The following MTOR variants were observed in gnomAD, a reference collection of about 807,000 sequenced individuals.
The protein encoded by MTOR is mechanistic target of rapamycin kinase, also known as serine/threonine-protein kinase mTOR.
Under a neutral mutation model 319.8 loss-of-function variants are expected in MTOR, and 70 were observed. The observed-to-expected ratio is 0.22, with a 90% CI of 0.18 to 0.27. The LOEUF (loss-of-function observed/expected upper bound fraction) is 0.27, where lower values mean the gene tolerates loss of function less well. Ranked by LOEUF, MTOR falls within the 10% of genes least tolerant of loss-of-function variation. The pLI is 1.00. For missense variants in MTOR, 1,890 were observed against 3,274.4 expected (o/e 0.58, Z 10.32); for synonymous variants, 1,183 against 1,211.4 (o/e 0.98, Z 0.49).
chr1:11,199,474 A>C lies in MTOR; in HGVS notation c.4107+67T>G. 14 of 1,613,650 alleles carry C rather than the reference A, an allele frequency of 8.7e-6. No individual in the cohort carries two copies. The highest frequency in any genetic ancestry group is 1.1e-5 in the Non-Finnish European group (13 of 1,179,590). ...GCACAAACAAGAGAAGGCTGTGTGG[A>C]TGCTTCTCTCCTCCCACCAGCTGGT... On this transcript the variant is annotated intron_variant, in intron 27 of 57. Coordinates refer to ENST00000361445, the MANE Select transcript of MTOR (RefSeq NM_004958.4). This position sits in a 1 kb window ranked among gnomAD's most constrained non-coding sequence, Gnocchi z 4.5.
chr1:11,129,649 C>T lies in MTOR; in HGVS notation c.5714+89G>A. On this transcript the variant is annotated intron_variant, in intron 40 of 57. Transcript: ENST00000361445. The surrounding 1 kb of genome is among the most constrained non-coding windows in gnomAD (Gnocchi z 4.7). ...CGATCTTGGGTGTCCTGATCAGGGT[C>T]AGGAAGGGAAAGAGGACTTTTACGT... The T allele has an allele frequency of 8.5e-7, 1 of 1,172,448 alleles. No individual in the cohort carries two copies. The highest frequency in any genetic ancestry group is 1.2e-6 in the Non-Finnish European group (1 of 801,468). The allele number at this position is 1,172,448 out of a possible 1,614,324, so 72.6% of individuals were successfully genotyped here.
intron 20 of MTOR, among the ~76,000 whole-genome samples, chr1:11,215,289 T>A (rs1044185977): frequency 6.6e-6 from 1 of 152,190 alleles, no homozygotes; most frequent in Non-Finnish European, 1.5e-5. Context: ...TCTGCCTAAA[T>A]CCTCCTTGTA....
rs1261530605 is a variant in MTOR at position 11,127,596 on chromosome 1, A to C, written c.6216+28T>G. 6.3e-7 allele frequency: 1 copy of C among 1,581,016 alleles called. No individual in the cohort carries two copies. The highest frequency in any genetic ancestry group is 8.6e-7 in the Non-Finnish European group (1 of 1,166,026). Reference sequence around the variant, plus strand: ...AGTGGCAGAATATTTCTACAGGGTTATGTCCTTTCGTGTTTTTTACCCCAT... The same window carrying C: ...AGTGGCAGAATATTTCTACAGGGTTCTGTCCTTTCGTGTTTTTTACCCCAT... On this transcript the variant is annotated intron_variant, in intron 44 of 57. Coordinates refer to ENST00000361445, the MANE Select transcript of MTOR (RefSeq NM_004958.4). The surrounding 1 kb of genome is among the most constrained non-coding windows in gnomAD (Gnocchi z 5.5).
chr1:11,249,387 T>C (rs1649287587), intron 6 of MTOR, among the ~76,000 whole-genome samples: 1 of 152,000 alleles, frequency 6.6e-6, no homozygotes, highest in Admixed American at 6.6e-5. Flanking sequence ...CTTTTTTTTT[T>C]TGAAACTAAA....
rs1025711972 is a variant in MTOR, at chr1:11,207,558, G to A, written c.3801+1754C>T. On this transcript the variant is annotated intron_variant, in intron 25 of 57. Coordinates refer to ENST00000361445, the MANE Select transcript of MTOR (RefSeq NM_004958.4). The stretch of plus-strand genomic sequence containing the variant: ...TGAGTAGCTGGGACTACAGGCAGGT[G>A]CCACTCTGCTCAGCTAATTTTTAAA... Among the ~76,000 whole-genome samples the A allele has an allele frequency of 2.5e-4, 37 of 150,206 alleles. 1 individual carries two copies. Among genetic ancestry groups the A allele is most frequent in the Admixed American group, 2.4e-3 (36 of 15,082 alleles).
chr1:11,199,984 G>C lies in MTOR; in HGVS notation c.3945-281C>G, dbSNP rs1419706263. Among the ~76,000 whole-genome samples the C allele has an allele frequency of 1.3e-5, 2 of 152,128 alleles. No individual in the cohort carries two copies. The highest frequency in any genetic ancestry group is 2.4e-5 in the African/African-American group (1 of 41,410). ...AGTGTCTACTGAATTTTACACTGCA[G>C]GTACAGACATTGTGATATTCAGGGA... On this transcript the variant is annotated intron_variant, in intron 26 of 57. Coordinates refer to ENST00000361445, the MANE Select transcript of MTOR (RefSeq NM_004958.4). The surrounding 1 kb of genome is among the most constrained non-coding windows in gnomAD (Gnocchi z 4.5).
intron 19 of MTOR, among the ~76,000 whole-genome samples, chr1:11,223,996 A>T (rs572681966): frequency 6.6e-6 from 1 of 151,956 alleles, no homozygotes; most frequent in South Asian, 2.1e-4. Context: ...CCGAGATCAC[A>T]CCATTGCACT....
intron 6 of MTOR, among the ~76,000 whole-genome samples, chr1:11,252,490 T>C (rs1649823630): frequency 6.6e-6 from 1 of 152,064 alleles, no homozygotes; most frequent in Non-Finnish European, 1.5e-5. Context: ...CTCATGGATA[T>C]AGAGAGCCAA....
intron 1 of MTOR, among the ~76,000 whole-genome samples, chr1:11,259,803 CG>C (rs1167728482): frequency 1.3e-5 from 2 of 151,950 alleles, no homozygotes; most frequent in Non-Finnish European, 2.9e-5. Context: ...ATTAGCTGGG[CG>C]TGGTGGCATG....
chr1:11,189,624 C>T, intron 28 of MTOR: 3 of 1,613,824 alleles, frequency 1.9e-6, no homozygotes, highest in Non-Finnish European at 1.7e-6. Context: ...TCTGCATTTT[C>T]ATCGTGGCCT....
chr1:11,217,585 AT>A (rs1352872021), intron 19 of MTOR, among the ~76,000 whole-genome samples: 5 of 126,454 alleles, frequency 4.0e-5, no homozygotes, highest in Non-Finnish European at 6.9e-5. Context: ...TTTTTTTTGT[AT>A]TTTTTTAGTA....
rs2100745459 is a variant in MTOR at position 11,199,526 on chromosome 1, G to A, written c.4107+15C>T. 1 of 1,614,130 alleles carries A rather than the reference G, an allele frequency of 6.2e-7. No individual in the cohort carries two copies. The highest frequency in any genetic ancestry group is 8.5e-7 in the Non-Finnish European group (1 of 1,179,994). On this transcript the variant is annotated intron_variant, in intron 27 of 57. Coordinates refer to ENST00000361445, the MANE Select transcript of MTOR (RefSeq NM_004958.4). This position sits in a 1 kb window ranked among gnomAD's most constrained non-coding sequence, Gnocchi z 4.5. ...CCCTGTCAGCCTCCATCTGGACAAT[G>A]GGGAAAAGTCTCACCTTGTCACTGT...
intron 19 of MTOR, among the ~76,000 whole-genome samples, chr1:11,221,389 C>T (rs1367097542): frequency 6.6e-6 from 1 of 152,058 alleles, no homozygotes; most frequent in Non-Finnish European, 1.5e-5. Context: ...CACAATCACT[C>T]AAGAAGAATA....
chr1:11,243,100 A>G lies in MTOR; in HGVS notation c.1412+14T>C, dbSNP rs1471144871. The stretch of plus-strand genomic sequence containing the variant: ...AAATGGAGTGGAAGGTGAAATCATA[A>G]CAGAGGTGCTTACTTATGGGCGAAG... On this transcript the variant is annotated intron_variant, in intron 9 of 57. Coordinates refer to ENST00000361445, the MANE Select transcript of MTOR (RefSeq NM_004958.4). 2.5e-6 allele frequency: 4 copies of G among 1,613,694 alleles called. No homozygotes were observed. The highest frequency in any genetic ancestry group is 3.4e-6 in the Non-Finnish European group (4 of 1,179,956).
intron 38 of MTOR, 85 bp from the exon 39 acceptor site, chr1:11,130,862 C>CT: frequency 6.8e-7 from 1 of 1,480,178 alleles, no homozygotes; most frequent in Non-Finnish European, 9.0e-7. Flanking sequence ...TGCTGAGGAA[C>CT]AGCTGCTCCT....
Position 11,106,846 on chromosome 1 carries a change from A to G in MTOR, c.*639T>C. 7.6e-7 allele frequency: 1 copy of G among 1,314,894 alleles called. No individual in the cohort carries two copies. The highest frequency in any genetic ancestry group is 9.9e-7 in the Non-Finnish European group (1 of 1,010,822). The allele number at this position is 1,314,894 out of a possible 1,614,324, so 81.5% of individuals were successfully genotyped here. A position where few individuals can be genotyped will look rare whatever the true frequency, so the allele number is the denominator to read the frequency against. ...ATCTGCTCAGCCGAGGCTGCCAGCG[A>G]TCTGAATAAACCTCCCTACTAGCGG... On this transcript the variant is annotated 3_prime_UTR_variant, in exon 58 of 58. Transcript: ENST00000361445.
chr1:11,240,255 T>C (rs368694966), intron 11 of MTOR, 48 bp downstream of exon 11: 203 of 1,509,326 alleles, frequency 1.3e-4, no homozygotes, highest in South Asian at 2.3e-4. Context: ...TTTCCCAAAG[T>C]TTCCAGCATC....
chr1:11,179,926 T>C (rs1645093647), intron 28 of MTOR, among the ~76,000 whole-genome samples: 2 of 152,180 alleles, frequency 1.3e-5, no homozygotes, highest in South Asian at 4.1e-4. Flanking sequence ...TTTTTGTTTG[T>C]TTTGAGATAG....
chr1:11,185,032 C>T (rs774898907), intron 28 of MTOR, among the ~76,000 whole-genome samples: 9 of 152,190 alleles, frequency 5.9e-5, no homozygotes, highest in Non-Finnish European at 7.3e-5. Context: ...ACATCCTCTC[C>T]CATTCCTGGC....
Sources: gnomAD v4.1 joint callset for allele counts (sites outside exome capture counted in the v4.1 genomes callset) on GRCh38, gnomAD v4.1.1 for gene constraint, Gnocchi (gnomAD v3.1) non-coding constraint, MANE v1.5 for transcripts, NCBI Gene and HGNC (gene_info 2026-07-23, HGNC 2026-07-21) for gene names.